Variants in SLC25A24 observed in about 807,000 individuals in gnomAD.
SLC25A24 encodes the protein mitochondrial adenyl nucleotide antiporter SLC25A24.
A neutral mutation model predicts 60.7 loss-of-function variants in SLC25A24; 49 were observed. The ratio of observed to expected loss-of-function variants is 0.81; its 90% CI spans 0.64 to 1.02. The LOEUF is 1.02. Among genes scored for constraint, SLC25A24 ranks in the 50% least tolerant of loss-of-function variants. SLC25A24 has a pLI of 0.00. For missense variants in SLC25A24, 564 were observed against 586.3 expected (o/e 0.96, Z 0.39); for synonymous variants, 202 against 200.6 (o/e 1.01, Z -0.06).
chr1:108,154,859 G>A (rs1679851196), intron 6 of SLC25A24, 124 bp downstream of exon 6: 1 of 643,832 alleles, frequency 1.6e-6, no homozygotes, highest in South Asian at 2.7e-5. Context: ...TCCTCCTTAT[G>A]GAGTATATGT....
intron 3 of SLC25A24, among the ~76,000 whole-genome samples, chr1:108,173,052 T>C (rs1647515437): frequency 6.6e-6 from 1 of 152,270 alleles, no homozygotes; most frequent in South Asian, 2.1e-4. Flanking sequence ...GCAGAAACAA[T>C]GGATGGTTAA....
At chr1:108,154,007 A>T (rs1558011775) in intron 6 of SLC25A24, among the ~76,000 whole-genome samples, 1 of 152,022 alleles carries the variant, frequency 6.6e-6, no homozygotes, top group Non-Finnish European at 1.5e-5. Flanking sequence ...TCAAACCTTC[A>T]TATAAGGAAA....
At position 108,157,631 on chromosome 1, in the gene SLC25A24, G is replaced by A. The variant is rs1679939997; in HGVS notation, c.511-11C>T. On this transcript the variant is annotated splice_polypyrimidine_tract_variant and intron_variant, in intron 4 of 9. Transcript: ENST00000565488. ...CCCTATGTCAATTCCCTGTAAAAAT[G>A]AAAAAAAGATCCCCATGCGCCTTAG... The A allele has an allele frequency of 6.2e-7, 1 of 1,603,332 alleles. No individual in the cohort carries two copies. Among genetic ancestry groups the A allele is most frequent in the South Asian group, 1.1e-5 (1 of 89,474 alleles).
intron 9 of SLC25A24, 121 bp downstream of exon 9, chr1:108,138,937 A>T: frequency 9.6e-7 from 1 of 1,045,836 alleles, no homozygotes; most frequent in Non-Finnish European, 1.3e-6. Context: ...GCAATAATGA[A>T]AAAAAGGTTG....
chr1:108,156,155 G>A (rs1260701119), intron 5 of SLC25A24, among the ~76,000 whole-genome samples: 1 of 152,180 alleles, frequency 6.6e-6, no homozygotes, highest in Non-Finnish European at 1.5e-5. Flanking sequence ...AGACTCCACA[G>A]GGAGAGGACA....
At chr1:108,143,886 A>T (rs1294131922) in intron 7 of SLC25A24, among the ~76,000 whole-genome samples, 176 bp from the exon 8 acceptor site, 2 of 152,226 alleles carry the variant, frequency 1.3e-5, no homozygotes, top group Non-Finnish European at 2.9e-5. Context: ...CTAAGACCAA[A>T]GCCAGAGAGA....
At chr1:108,190,065 G>A (rs2101645554) in intron 1 of SLC25A24, among the ~76,000 whole-genome samples, 1 of 152,076 alleles carries the variant, frequency 6.6e-6, no homozygotes, top group African/African-American at 2.4e-5. Context: ...CCAATCAAAT[G>A]AGAAAAGTAA....
chr1:108,136,610 T>G lies in SLC25A24; in HGVS notation c.*43A>C, dbSNP rs1467673224. On this transcript the variant is annotated 3_prime_UTR_variant, in exon 10 of 10. Transcript: ENST00000565488. ...GAGGAGAAAAAGTCACTCCAGAGAT[T>G]GTTGAAAGTTTCAATTATCAGGCTA... 5 of 1,525,818 alleles carry G rather than the reference T, an allele frequency of 3.3e-6. No individual in the cohort carries two copies. Among genetic ancestry groups the G allele is most frequent in the Non-Finnish European group, 4.5e-6 (5 of 1,105,712 alleles). 94.5% of individuals were successfully genotyped at this position (1,525,818 alleles called of 1,614,324 possible).
intron 5 of SLC25A24, among the ~76,000 whole-genome samples, chr1:108,157,171 A>G (rs1679924456): frequency 6.6e-6 from 1 of 152,238 alleles, no homozygotes; most frequent in African/African-American, 2.4e-5. Flanking sequence ...ACTATAAATC[A>G]GGAGAATCCT....
intron 1 of SLC25A24, among the ~76,000 whole-genome samples, chr1:108,194,814 T>C (rs1179234383): frequency 6.6e-6 from 1 of 152,188 alleles, no homozygotes; most frequent in African/African-American, 2.4e-5. Context: ...GAATTTACTA[T>C]TTATGCTAAG....
chr1:108,143,761 AT>A, intron 7 of SLC25A24, 51 bp from the exon 8 acceptor site: 2 of 1,398,484 alleles, frequency 1.4e-6, no homozygotes, highest in South Asian at 2.5e-5. Flanking sequence ...CTCTATCATC[AT>A]GGGATTCAAA....
At chr1:108,155,379 G>C (rs982079288) in intron 5 of SLC25A24, among the ~76,000 whole-genome samples, 1 of 151,950 alleles carries the variant, frequency 6.6e-6, no homozygotes, top group African/African-American at 2.4e-5. Flanking sequence ...AGCAGAGAGA[G>C]AAGACAAGAA....
intron 3 of SLC25A24, among the ~76,000 whole-genome samples, chr1:108,177,837 T>C (rs1484544718): frequency 6.6e-6 from 1 of 152,142 alleles, no homozygotes; most frequent in Non-Finnish European, 1.5e-5. Context: ...TTTATAAATA[T>C]ATATGAACCC....
chr1:108,144,443 A>C (rs990874968), intron 7 of SLC25A24, among the ~76,000 whole-genome samples: 1 of 152,100 alleles, frequency 6.6e-6, no homozygotes, highest in Non-Finnish European at 1.5e-5. Flanking sequence ...ACTTTTTAAA[A>C]ATTGTACTTT....
At chr1:108,154,089 T>G (rs952849715) in intron 6 of SLC25A24, among the ~76,000 whole-genome samples, 2 of 148,836 alleles carry the variant, frequency 1.3e-5, no homozygotes, top group Non-Finnish European at 3.0e-5. Flanking sequence ...TTTTTTTTTT[T>G]GCTTCTCTAT....
Position 108,192,672 on chromosome 1 carries a change from G to A in SLC25A24, c.184-6718C>T. On this transcript the variant is annotated intron_variant, in intron 1 of 9. Transcript: ENST00000565488. ...CGGCCTGAGTGAGCCCCAGCGGGGT[G>A]GAAGTGCGACCGACGAACGGGATCT... 3 of 1,474,546 alleles carry A rather than the reference G, an allele frequency of 2.0e-6. 1 individual carries two copies. Among genetic ancestry groups the A allele is most frequent in the Non-Finnish European group, 2.7e-6 (3 of 1,102,228 alleles). The allele number at this position is 1,474,546 out of a possible 1,614,324, so 91.3% of individuals were successfully genotyped here. A position where few individuals can be genotyped will look rare whatever the true frequency, so the allele number is the denominator to read the frequency against.
At chr1:108,171,888 G>T (rs1647474292) in intron 3 of SLC25A24, among the ~76,000 whole-genome samples, 1 of 152,222 alleles carries the variant, frequency 6.6e-6, no homozygotes, top group African/African-American at 2.4e-5. Flanking sequence ...AGTAAGTAGA[G>T]TAGAATTAAG....
At chr1:108,164,228 A>T (rs1237640346) in intron 3 of SLC25A24, among the ~76,000 whole-genome samples, 2 of 151,928 alleles carry the variant, frequency 1.3e-5, no homozygotes, top group Admixed American at 6.6e-5. Context: ...ATCAATGTTC[A>T]TCAAGGATAT....
At chr1:108,144,781 T>C (rs755924093) in intron 7 of SLC25A24, among the ~76,000 whole-genome samples, 15 of 152,214 alleles carry the variant, frequency 9.9e-5, no homozygotes, top group Non-Finnish European at 1.6e-4. Context: ...TATGGCTGCA[T>C]AGTATTCCAT....
Sources: gnomAD v4.1 joint callset for allele counts (sites outside exome capture counted in the v4.1 genomes callset) on GRCh38, gnomAD v4.1.1 for gene constraint, MANE v1.5 for transcripts, NCBI Gene and HGNC (gene_info 2026-07-23, HGNC 2026-07-21) for gene names.